The following TMEM169 variants were observed in gnomAD, a reference collection of about 807,000 sequenced individuals.
TMEM169 encodes the protein transmembrane protein 169.
Under a neutral mutation model 27.3 loss-of-function variants are expected in TMEM169, and 18 were observed. The observed-to-expected ratio is 0.66, with a 90% CI of 0.46 to 0.98. The LOEUF (loss-of-function observed/expected upper bound fraction) is 0.98, where lower values mean the gene tolerates loss of function less well. Among genes scored for constraint, TMEM169 ranks in the 50% least tolerant of loss-of-function variants. TMEM169 has a pLI of 0.00. For synonymous variants in TMEM169, 136 were observed against 142.1 expected, an observed-to-expected ratio of 0.96 and a Z score of 0.30; for missense variants, 320 against 368.6, an observed-to-expected ratio of 0.87 and a Z score of 1.08.
At chr2:216,093,141 T>A (rs1249982340) in intron 1 of TMEM169, among the ~76,000 whole-genome samples, 1 of 149,972 alleles carries the variant, frequency 6.7e-6, no homozygotes, top group Admixed American at 6.7e-5. Context: ...TGTGTGTGTG[T>A]GTGTGTGTGT....
At chr2:216,084,441 C>T (rs900644495) in intron 1 of TMEM169, among the ~76,000 whole-genome samples, 8 of 152,180 alleles carry the variant, frequency 5.3e-5, no homozygotes, top group African/African-American at 1.9e-4. Context: ...TAAGCTACTC[C>T]TGAGTTGCTA....
At position 216,081,930 on chromosome 2, in the gene TMEM169, C is replaced by T; in HGVS notation, c.-176C>T. ...CATCCTCCCGGAGCAGAACCGCTCC[C>T]CGCCGGCTGTCCGCAACCTCCGCCA... On this transcript the variant is annotated 5_prime_UTR_variant, in exon 1 of 3. Transcript: ENST00000437356. 1.6e-6 allele frequency: 1 copy of T among 615,564 alleles called. No homozygotes were observed. The highest frequency in any genetic ancestry group is 2.1e-5 in the South Asian group (1 of 48,774). 38.1% of individuals were successfully genotyped at this position (615,564 alleles called of 1,614,324 possible).
intron 2 of TMEM169, among the ~76,000 whole-genome samples, chr2:216,098,042 T>A (rs936182283): frequency 2.7e-5 from 4 of 150,760 alleles, no homozygotes; most frequent in African/African-American, 9.8e-5. Flanking sequence ...GTGTAGGAGA[T>A]AAGAGGGAGG....
At chr2:216,095,491 A>AT (rs1696243314) in intron 1 of TMEM169, among the ~76,000 whole-genome samples, 1 of 152,218 alleles carries the variant, frequency 6.6e-6, no homozygotes, top group Admixed American at 6.5e-5. Context: ...AAAAATCGGT[A>AT]ACACAAGCAG....
chr2:216,095,434 A>G (rs1463207571), intron 1 of TMEM169, among the ~76,000 whole-genome samples: 1 of 152,102 alleles, frequency 6.6e-6, no homozygotes, highest in Middle Eastern at 3.2e-3. Context: ...TTCCTCACCC[A>G]ACTTCCTTAT....
intron 1 of TMEM169, among the ~76,000 whole-genome samples, chr2:216,087,192 A>G (rs1405994121): frequency 1.3e-5 from 2 of 152,132 alleles, no homozygotes; most frequent in East Asian, 1.9e-4. Flanking sequence ...GAAAATTGCT[A>G]CTGAATCCTA....
chr2:216,091,135 G>A (rs1287646742), intron 1 of TMEM169, among the ~76,000 whole-genome samples: 1 of 152,202 alleles, frequency 6.6e-6, no homozygotes, highest in African/African-American at 2.4e-5. Flanking sequence ...CCAAAAACAT[G>A]TTTGCTGAGT....
chr2:216,097,128 C>T (rs577896640), intron 2 of TMEM169, among the ~76,000 whole-genome samples: 6 of 152,296 alleles, frequency 3.9e-5, no homozygotes, highest in African/African-American at 1.4e-4. Context: ...CCTCATGACC[C>T]AGAAATTCTC....
At chr2:216,093,489 A>AC (rs1696187565) in intron 1 of TMEM169, among the ~76,000 whole-genome samples, 1 of 151,730 alleles carries the variant, frequency 6.6e-6, no homozygotes, top group African/African-American at 2.4e-5. Flanking sequence ...CCCCTAGTAC[A>AC]CCCCCTAGAC....
At chr2:216,093,125 A>AGTGTGTGTGTGTGTGTGTGT (rs60241289) in intron 1 of TMEM169, among the ~76,000 whole-genome samples, 17 of 145,912 alleles carry the variant, frequency 1.2e-4, no homozygotes, top group African/African-American at 3.6e-4. Flanking sequence ...GTAATAATGA[A>AGTGTGTGTGTGTGTGTGTGT]GTGTGTGTGT....
At chr2:216,091,586 G>A (rs1198995584) in intron 1 of TMEM169, among the ~76,000 whole-genome samples, 1 of 144,274 alleles carries the variant, frequency 6.9e-6, no homozygotes, top group Non-Finnish European at 1.5e-5. Context: ...AAAAGAGAGA[G>A]ACCCAGAGAG....
chr2:216,096,474 C>A (rs772418359), intron 2 of TMEM169, among the ~76,000 whole-genome samples: 1 of 152,228 alleles, frequency 6.6e-6, no homozygotes. Flanking sequence ...AAGTGACTTT[C>A]CTGCCTCAGC....
chr2:216,089,176 A>G (rs748579927), intron 1 of TMEM169, among the ~76,000 whole-genome samples: 1 of 152,194 alleles, frequency 6.6e-6, no homozygotes, highest in Non-Finnish European at 1.5e-5. Context: ...ATGAGAGTAG[A>G]AAGTTAAAGG....
rs543850405 is a variant in TMEM169 at position 216,086,120 on chromosome 2, G to A, written c.-127+4141G>A. On this transcript the variant is annotated intron_variant, in intron 1 of 2. Transcript: ENST00000437356. The stretch of plus-strand genomic sequence containing the variant: ...CACTCTGTTGCCCCGGCTGGAGTGC[G>A]GTGGTGTGATCTTGGCTCACTGCAA... Among the ~76,000 whole-genome samples the A allele has an allele frequency of 1.1e-4, 16 of 151,776 alleles. No homozygotes were observed. In the South Asian group the frequency reaches 2.7e-3, roughly 26 times the overall value.
rs775890136 is a variant in TMEM169 at position 216,096,272 on chromosome 2, A to G, written c.271+38A>G. ...AGCCCACTTGTTTAAAGCCATGGGA[A>G]GGAAACCAAAAGGGCATCTTCCAGA... On this transcript the variant is annotated intron_variant, in intron 2 of 2. Transcript: ENST00000437356. 8 of 1,588,016 alleles carry G rather than the reference A, an allele frequency of 5.0e-6. No homozygotes were observed. The Admixed American group carries it at 7.0e-5, about 14-fold the overall frequency.
Position 216,100,433 on chromosome 2 carries a change from T to C in TMEM169, c.785T>C (p.Leu262Pro), listed in dbSNP as rs372269583. 141 of 1,613,924 alleles carry C rather than the reference T, an allele frequency of 8.7e-5. No individual in the cohort carries two copies. The highest frequency in any genetic ancestry group is 1.2e-4 in the Non-Finnish European group (136 of 1,180,014). The change falls in exon 3 of 3, where the codon CTG becomes CCG. Residue 262 changes from leucine to proline, a missense_variant. Transcript: ENST00000437356. ...FCGWLCSKLG[L>P]EDCSPYSIVE... ...GGCTGGCTCTGCAGCAAGCTGGGTC[T>C]GGAGGACTGTTCTCCCTACAGCATT... is the stretch of plus-strand genomic sequence containing the variant.
At chr2:216,092,944 C>T (rs1432653954) in intron 1 of TMEM169, among the ~76,000 whole-genome samples, 1 of 152,158 alleles carries the variant, frequency 6.6e-6, no homozygotes, top group Non-Finnish European at 1.5e-5. Flanking sequence ...ATGCAGCTTT[C>T]TGAGTGTCAG....
At chr2:216,089,519 C>T (rs1696079378) in intron 1 of TMEM169, among the ~76,000 whole-genome samples, 1 of 152,166 alleles carries the variant, frequency 6.6e-6, no homozygotes, top group Non-Finnish European at 1.5e-5. Context: ...TGCAGTGGCA[C>T]GATCTCAGCT....
At chr2:216,082,073 C>T (rs1195205170) in intron 1 of TMEM169, 94 bp downstream of exon 1, 3 of 302,932 alleles carry the variant, frequency 9.9e-6, no homozygotes, top group Non-Finnish European at 1.9e-5. Flanking sequence ...AAGAAACAAG[C>T]AGGGTGTGCT....
Sources: gnomAD v4.1 joint callset for allele counts (sites outside exome capture counted in the v4.1 genomes callset) on GRCh38, gnomAD v4.1.1 for gene constraint, MANE v1.5 for transcripts, NCBI Gene and HGNC (gene_info 2026-07-23, HGNC 2026-07-21) for gene names.